Variants in OR6B3 observed in about 807,000 individuals in gnomAD.
OR6B3 encodes the protein olfactory receptor 6B3.
For missense variants in OR6B3, 315 were observed against 427.4 expected (o/e 0.74, Z 2.32); for synonymous variants, 148 against 187.8 (o/e 0.79, Z 1.73).
intron 1 of OR6B3, among the ~76,000 whole-genome samples, chr2:240,046,718 A>G (rs1323283707): frequency 7.2e-5 from 11 of 152,166 alleles, no homozygotes; most frequent in Admixed American, 2.6e-4. Context: ...AGCAAGGGAG[A>G]GATTGCAATG....
upstream of OR6B3, among the ~76,000 whole-genome samples, chr2:240,049,678 T>TA (rs1454338624): frequency 5.9e-5 from 9 of 152,222 alleles, no homozygotes; most frequent in Non-Finnish European, 1.3e-4. Flanking sequence ...CTCTCCTTGT[T>TA]AATCGAAATA....
At chr2:240,048,507 G>A (rs1285638485), upstream of OR6B3, among the ~76,000 whole-genome samples, 1 of 152,128 alleles carries the variant, frequency 6.6e-6, no homozygotes, top group African/African-American at 2.4e-5. Flanking sequence ...CTATTTGGGA[G>A]GTGCTTGTGA....
intron 1 of OR6B3, among the ~76,000 whole-genome samples, chr2:240,046,467 C>G (rs1041706607): frequency 6.6e-6 from 1 of 152,138 alleles, no homozygotes; most frequent in Non-Finnish European, 1.5e-5. Flanking sequence ...CCTGACTGCC[C>G]CAGGCTTCTG....
At chr2:240,045,972 G>C (rs555021754) in exon 2 of OR6B3, 1 of 1,597,576 alleles carries the variant, frequency 6.3e-7, no homozygotes, top group Admixed American at 1.7e-5. Context: ...AAAGAGGTAG[G>C]TGAGCAGGAA....
intron 1 of OR6B3, 67 bp from the exon 3 acceptor site, chr2:240,046,164 G>A (rs2106526940): frequency 8.7e-7 from 1 of 1,148,258 alleles, no homozygotes; most frequent in Non-Finnish European, 1.2e-6. Flanking sequence ...GAGTGGAGCT[G>A]GACCTGGATA....
intron 1 of OR6B3, among the ~76,000 whole-genome samples, chr2:240,046,670 G>A (rs1698193631): frequency 6.6e-6 from 1 of 152,104 alleles, no homozygotes; most frequent in South Asian, 2.1e-4. Context: ...AAGGGAAAGT[G>A]GTCACATCCT....
upstream of OR6B3, among the ~76,000 whole-genome samples, chr2:240,048,806 T>C (rs1015930896): frequency 1.3e-5 from 2 of 152,144 alleles, no homozygotes; most frequent in African/African-American, 4.8e-5. Flanking sequence ...CCCGGATCTT[T>C]AAAGAAAAGG....
upstream of OR6B3, among the ~76,000 whole-genome samples, chr2:240,048,038 A>G (rs944288620): frequency 3.3e-5 from 5 of 152,226 alleles, no homozygotes; most frequent in African/African-American, 4.8e-5. Flanking sequence ...TAAATGATTA[A>G]GAATATAAAT....
chr2:240,046,137 A>C lies in OR6B3; in HGVS notation c.-25-40T>G, dbSNP rs1427291753. The C allele has an allele frequency of 5.0e-6, 7 of 1,399,296 alleles. No individual in the cohort carries two copies. In the African/African-American group the frequency reaches 5.7e-5, roughly 11 times the overall value. The allele number at this position is 1,399,296 out of a possible 1,614,324, so 86.7% of individuals were successfully genotyped here. The stretch of plus-strand genomic sequence containing the variant: ...AGAGCAAGAGGAAAGGGCTGCAGGG[A>C]AGCTGGGGCAGAGGGAGAGTGGAGC... On this transcript the variant is annotated intron_variant, in intron 1 of 1. Coordinates refer to ENST00000641019, the Ensembl canonical transcript of OR6B3.
the OR6B3 span, among the ~76,000 whole-genome samples, chr2:240,053,495 A>G: frequency 6.6e-6 from 1 of 152,258 alleles, no homozygotes; most frequent in South Asian, 2.1e-4. The surrounding 1 kb of genome is among the most constrained non-coding windows in gnomAD (Gnocchi z 4.1). Context: ...CGAGGCAGGC[A>G]ATGATGTGTC....
chr2:240,048,425 C>T (rs1698219711), upstream of OR6B3, among the ~76,000 whole-genome samples: 1 of 152,116 alleles, frequency 6.6e-6, no homozygotes, highest in Non-Finnish European at 1.5e-5. Context: ...CTCCTGGTTG[C>T]ACTTGCTGTG....
At chr2:240,045,713 G>A (rs780700826) in exon 2 of OR6B3, 66 of 1,368,158 alleles carry the variant, frequency 4.8e-5, no homozygotes, top group Non-Finnish European at 6.2e-5. Flanking sequence ...CGTAGCGGTC[G>A]TAGGCCATGG....
the OR6B3 span, among the ~76,000 whole-genome samples, chr2:240,052,776 T>A: frequency 2.0e-5 from 3 of 152,218 alleles, no homozygotes; most frequent in Admixed American, 2.0e-4. The surrounding 1 kb of genome is among the most constrained non-coding windows in gnomAD (Gnocchi z 4.5). Context: ...CTTTCAGCAC[T>A]GATTTTTAAA....
rs758997817 is a variant in OR6B3 at position 240,045,169 on chromosome 2, TC to T, written c.903del (p.Ala304ProfsTer4). On this transcript the variant is annotated frameshift_variant, in exon 2 of 2. Coordinates refer to ENST00000641019, the Ensembl canonical transcript of OR6B3. LOFTEE classifies it low-confidence loss of function (END_TRUNC). ...CAGCTCGTCAAGCCGAAGGCTTTTT[TC>T]AAGGCATTCTTAAATTCCTTATTCC... 7.7e-5 allele frequency: 125 copies of T among 1,614,092 alleles called. No individual in the cohort carries two copies. The highest frequency in any genetic ancestry group is 1.0e-4 in the Non-Finnish European group (118 of 1,180,012).
In OR6B3 at chr2:240,045,460, T is replaced by C. The variant is rs1168353964; in HGVS notation, c.613A>G (p.Ile205Val). ...GCCAGGAGTGGAAACACCAGGATGA[T>C]GAAGGCCAGAATGAAATCCACCAGC... Residue 205 changes from isoleucine to valine, a missense_variant, in exon 2 of 2, where the codon ATC becomes GTC. Ile to Val is a conservative substitution (Grantham distance 29, BLOSUM62 3). Coordinates refer to ENST00000641019, the Ensembl canonical transcript of OR6B3. 7 of 1,614,176 alleles carry C rather than the reference T, an allele frequency of 4.3e-6. No individual in the cohort carries two copies. The East Asian group carries it at 1.3e-4, about 31-fold the overall frequency.
chr2:240,050,146 A>G (rs1310247962), upstream of OR6B3, among the ~76,000 whole-genome samples: 1 of 152,132 alleles, frequency 6.6e-6, no homozygotes, highest in Non-Finnish European at 1.5e-5. Flanking sequence ...AAAGGAAAAA[A>G]TGCCCAAGTC....
At chr2:240,050,424 A>G (rs535429856), upstream of OR6B3, among the ~76,000 whole-genome samples, 2 of 152,348 alleles carry the variant, frequency 1.3e-5, no homozygotes, top group African/African-American at 4.8e-5. Context: ...ATCAGAAGAA[A>G]TGGACAGGGG....
upstream of OR6B3, among the ~76,000 whole-genome samples, chr2:240,047,934 A>C (rs1698214781): frequency 6.6e-6 from 1 of 152,218 alleles, no homozygotes; most frequent in African/African-American, 2.4e-5. Flanking sequence ...TGCTTCCCCA[A>C]ATAGCAGAGA....
chr2:240,045,686 C>A (rs776979729), exon 2 of OR6B3: 4 of 1,340,492 alleles, frequency 3.0e-6, no homozygotes, highest in Non-Finnish European at 4.2e-6. Flanking sequence ...GGTAGCGCAG[C>A]GGGTGGCAGA....
Sources: gnomAD v4.1 joint callset for allele counts (sites outside exome capture counted in the v4.1 genomes callset) on GRCh38, gnomAD v4.1.1 for gene constraint, Gnocchi (gnomAD v3.1) non-coding constraint, MANE v1.5 for transcripts, NCBI Gene and HGNC (gene_info 2026-07-23, HGNC 2026-07-21) for gene names.